ACSS3: variants seen among roughly 807,000 people sequenced by gnomAD.
ACSS3 encodes acyl-CoA synthetase short-chain family member 3, mitochondrial.
ACSS3 carries 64 observed loss-of-function variants against 84.2 expected under a neutral mutation model. The ratio of observed to expected loss-of-function variants is 0.76; its 90% confidence interval spans 0.62 to 0.94. The LOEUF is 0.94. ACSS3 is among the 40% of genes least tolerant of loss of function. ACSS3 has a pLI of 0.00. For synonymous variants in ACSS3, 317 were observed against 310.1 expected (o/e 1.02, Z -0.23); for missense variants, 815 against 867.6 (o/e 0.94, Z 0.76).
At chr12:81,156,215 A>G (rs1410156276) in intron 7 of ACSS3, among the ~76,000 whole-genome samples, 2 of 151,254 alleles carry the variant, frequency 1.3e-5, no homozygotes, top group East Asian at 3.9e-4. Context: ...CACCCCACAC[A>G]CACACACACA....
chr12:81,225,008 A>G (rs2033225725), intron 11 of ACSS3, among the ~76,000 whole-genome samples: 5 of 151,966 alleles, frequency 3.3e-5, no homozygotes, highest in South Asian at 4.1e-4. Context: ...TTCATCTCTT[A>G]CTGTGCCTAA....
At position 81,139,143 on chromosome 12, in the gene ACSS3, G is replaced by C; in HGVS notation, c.658G>C (p.Val220Leu). The C allele has an allele frequency of 6.2e-7, 1 of 1,613,416 alleles. No homozygotes were observed. The highest frequency in any genetic ancestry group is 8.5e-7 in the Non-Finnish European group (1 of 1,179,542). ...RIDHVKPKVV[V>L]TASFGIEPGR... Reference sequence around the variant, plus strand: ...TTTTTAATTGTAGCCCAAGGTGGTTGTTACAGCATCATTTGGCATTGAACC... The same window carrying C: ...TTTTTAATTGTAGCCCAAGGTGGTTCTTACAGCATCATTTGGCATTGAACC... Residue 220 changes from valine to leucine, a missense_variant, in exon 4 of 16, where the codon GTT (valine) becomes CTT (leucine). Val to Leu is a conservative substitution (Grantham distance 32, BLOSUM62 1). Transcript: ENST00000548058.
intron 2 of ACSS3, among the ~76,000 whole-genome samples, chr12:81,113,750 T>A (rs1036772723): frequency 1.3e-5 from 2 of 152,154 alleles, no homozygotes; most frequent in African/African-American, 4.8e-5. Context: ...TAAATTCCAT[T>A]TCTATCTGTG....
chr12:81,153,223 C>CTGGTGA (rs1309101534), intron 7 of ACSS3, among the ~76,000 whole-genome samples: 7 of 152,028 alleles, frequency 4.6e-5, no homozygotes, highest in African/African-American at 1.7e-4. Flanking sequence ...GCCTGCCAAA[C>CTGGTGA]ATGGTGAAGC....
At chr12:81,078,074 A>G (rs1173224570), upstream of ACSS3, 37 of 1,442,468 alleles carry the variant, frequency 2.6e-5, no homozygotes, top group Non-Finnish European at 3.2e-5. Context: ...GGAAGTTGCA[A>G]GAGTACCATT....
At chr12:81,159,410 G>T (rs942275645) in intron 7 of ACSS3, among the ~76,000 whole-genome samples, 2 of 152,142 alleles carry the variant, frequency 1.3e-5, no homozygotes, top group Non-Finnish European at 2.9e-5. Context: ...TTTATAGACA[G>T]AGATTTACTT....
At chr12:81,244,853 A>G (rs1450555950) in intron 13 of ACSS3, among the ~76,000 whole-genome samples, 2 of 151,994 alleles carry the variant, frequency 1.3e-5, no homozygotes, top group Non-Finnish European at 2.9e-5. Context: ...GATAATTCCA[A>G]TATTCCTGTC....
At position 81,135,168 on chromosome 12, in the gene ACSS3, A is replaced by G. The variant is rs111745812; in HGVS notation, c.645+164A>G. 5.1e-3 allele frequency among the ~76,000 whole-genome samples: 770 copies of G among 151,246 alleles called. 5 individuals carry two copies. The highest frequency in any genetic ancestry group is 0.014 in the African/African-American group (558 of 41,286). On this transcript the variant is annotated intron_variant, in intron 3 of 15. Transcript: ENST00000548058. ...GAAATCATTATATTAAATATCAAAA[A>G]GACGCCTACATGCATATGTTTATTG...
At chr12:81,254,239 T>G (rs574020239) in intron 15 of ACSS3, among the ~76,000 whole-genome samples, 2 of 152,290 alleles carry the variant, frequency 1.3e-5, no homozygotes, top group African/African-American at 4.8e-5. Context: ...CAAAATATTT[T>G]TTCTCTTAGT....
intron 1 of ACSS3, among the ~76,000 whole-genome samples, chr12:81,088,312 A>C (rs7131822): frequency 8.5e-5 from 13 of 152,080 alleles, no homozygotes; most frequent in African/African-American, 3.1e-4. Flanking sequence ...AGTTACTGAG[A>C]TTTTGCAATC....
intron 2 of ACSS3, among the ~76,000 whole-genome samples, chr12:81,116,181 A>T (rs553830149): frequency 6.6e-6 from 1 of 152,168 alleles, no homozygotes; most frequent in Non-Finnish European, 1.5e-5. Context: ...ACTGGCTTAA[A>T]TTTTTATCAA....
In ACSS3 at chr12:81,257,108, G is replaced by T. The variant is rs1470606749; in HGVS notation, c.*2186G>T. ...CAGGCAGATCCAATAATTAGGTAAA[G>T]GTTGCATCTTTGGTCCTCTTGCACA... On this transcript the variant is annotated 3_prime_UTR_variant, in exon 16 of 16. Transcript: ENST00000548058. 6.6e-6 allele frequency: 1 copy of T among 152,032 alleles called. No individual in the cohort carries two copies. Among genetic ancestry groups the T allele is most frequent in the Admixed American group, 6.6e-5 (1 of 15,246 alleles). The allele number at this position is 152,032 out of a possible 1,614,324, so 9.4% of individuals were successfully genotyped here.
chr12:81,119,046 G>A (rs900751441), intron 2 of ACSS3, among the ~76,000 whole-genome samples: 2 of 152,156 alleles, frequency 1.3e-5, no homozygotes, highest in African/African-American at 4.8e-5. Flanking sequence ...CGGCCGATCT[G>A]AGAAATAAAG....
intron 1 of ACSS3, among the ~76,000 whole-genome samples, chr12:81,089,513 A>G (rs993741977): frequency 3.9e-5 from 6 of 151,976 alleles, no homozygotes; most frequent in African/African-American, 1.4e-4. Flanking sequence ...TTCCATAGAT[A>G]TTGCCAAACT....
At chr12:81,218,830 G>A (rs1349606433) in intron 10 of ACSS3, among the ~76,000 whole-genome samples, 2 of 151,794 alleles carry the variant, frequency 1.3e-5, no homozygotes, top group Non-Finnish European at 2.9e-5. Context: ...AGACAGTACA[G>A]GTTAAACATT....
At chr12:81,091,925 C>T (rs988009477) in intron 1 of ACSS3, among the ~76,000 whole-genome samples, 8 of 152,032 alleles carry the variant, frequency 5.3e-5, no homozygotes, top group African/African-American at 1.7e-4. Context: ...CTTGCTAATG[C>T]TCACTTGCCA....
chr12:81,134,623 T>G (rs1885690283), intron 2 of ACSS3, among the ~76,000 whole-genome samples, 193 bp from the exon 3 acceptor site: 1 of 152,172 alleles, frequency 6.6e-6, no homozygotes, highest in Non-Finnish European at 1.5e-5. Context: ...GGTTGGTTTA[T>G]AATCAATGAT....
At chr12:81,233,589 C>T in intron 13 of ACSS3, 118 bp downstream of exon 13, 5 of 1,279,396 alleles carry the variant, frequency 3.9e-6, no homozygotes, top group Non-Finnish European at 4.3e-6. Context: ...GCAGCAGAGG[C>T]TAGGTTACTC....
intron 1 of ACSS3, among the ~76,000 whole-genome samples, chr12:81,107,289 AG>A (rs1666704530): frequency 6.6e-6 from 1 of 151,828 alleles, no homozygotes. Flanking sequence ...AAGAAGTAGG[AG>A]AAGAATAATG....
Sources: allele counts gnomAD v4.1 joint callset (sites outside exome capture counted in the v4.1 genomes callset), GRCh38; gene constraint gnomAD v4.1.1; transcripts MANE v1.5; gene names NCBI Gene and HGNC (gene_info 2026-07-23, HGNC 2026-07-21).